Variants in PPHLN1 observed in about 807,000 individuals in gnomAD.
The protein encoded by PPHLN1 is periphilin 1, also known as periphilin-1.
A neutral mutation model predicts 51.3 loss-of-function variants in PPHLN1; 29 were observed. The observed-to-expected ratio is 0.57, with a 90% confidence interval of 0.42 to 0.77. The LOEUF (loss-of-function observed/expected upper bound fraction) is 0.77, where lower values mean the gene tolerates loss of function less well. Ranked by LOEUF, PPHLN1 falls within the 30% of genes least tolerant of loss-of-function variation. The pLI, the probability that PPHLN1 is intolerant of heterozygous loss-of-function variation, is 0.00. For synonymous variants in PPHLN1, 147 were observed against 147.8 expected (o/e 0.99, Z 0.04); for missense variants, 436 against 438.4 (o/e 0.99, Z 0.05).
intron 3 of PPHLN1, among the ~76,000 whole-genome samples, chr12:42,354,098 TTA>T (rs2073751148): frequency 6.6e-6 from 1 of 152,214 alleles, no homozygotes; most frequent in Non-Finnish European, 1.5e-5. Flanking sequence ...TGGAAAATGA[TTA>T]TATTTTATTT....
At chr12:42,447,861 T>C (rs1016264484), downstream of PPHLN1, 1 of 152,238 alleles carries the variant, frequency 6.6e-6, no homozygotes, top group Non-Finnish European at 1.5e-5. Flanking sequence ...AGGACAATTT[T>C]TTTTTAATTT....
At chr12:42,388,933 T>C (rs2077430443) in intron 7 of PPHLN1, among the ~76,000 whole-genome samples, 1 of 151,802 alleles carries the variant, frequency 6.6e-6, no homozygotes, top group South Asian at 2.1e-4. Flanking sequence ...CAGAGCAAGA[T>C]GCTGTCTCTG....
rs576016061 is a variant in PPHLN1 at position 42,366,970 on chromosome 12, C to T, written c.300-7893C>T. ...CTTCATGAACAAGTTTTTTTTCTCT[C>T]TCTGTACACAGCCATACATTCATGT... On this transcript the variant is annotated intron_variant, in intron 4 of 9. Transcript: ENST00000358314. Among the ~76,000 whole-genome samples the T allele has an allele frequency of 6.7e-4, 102 of 152,230 alleles. 1 individual carries two copies. The highest frequency in any genetic ancestry group is 2.4e-3 in the African/African-American group (98 of 41,550).
intron 9 of PPHLN1, among the ~76,000 whole-genome samples, chr12:42,418,866 T>C (rs904134565): frequency 6.6e-6 from 1 of 152,208 alleles, no homozygotes; most frequent in African/African-American, 2.4e-5. Flanking sequence ...CCACTTGTAC[T>C]GAGCCTTCAC....
At chr12:42,356,099 G>A (rs1291092157) in intron 4 of PPHLN1, among the ~76,000 whole-genome samples, 2 of 152,236 alleles carry the variant, frequency 1.3e-5, no homozygotes, top group South Asian at 2.1e-4. Context: ...TGACATCACA[G>A]TGGTGGTATC....
At chr12:42,432,130 C>CA in intron 9 of PPHLN1, 2 of 1,240,020 alleles carry the variant, frequency 1.6e-6, no homozygotes, top group Non-Finnish European at 1.2e-6. Flanking sequence ...CTCCTGCTGT[C>CA]ACGCTGATGT....
At chr12:42,362,251 G>T (rs199555108) in intron 4 of PPHLN1, among the ~76,000 whole-genome samples, 1 of 151,978 alleles carries the variant, frequency 6.6e-6, no homozygotes, top group East Asian at 1.9e-4. Flanking sequence ...TCTTTCTGTT[G>T]TTGAATTTTA....
chr12:42,379,927 G>C (rs1304158303), intron 5 of PPHLN1, among the ~76,000 whole-genome samples: 1 of 152,002 alleles, frequency 6.6e-6, no homozygotes, highest in Non-Finnish European at 1.5e-5. Context: ...AACCTCTAGA[G>C]ATCTGTTAAC....
intron 9 of PPHLN1, among the ~76,000 whole-genome samples, chr12:42,411,797 C>T (rs908699094): frequency 4.2e-5 from 6 of 143,196 alleles, no homozygotes; most frequent in East Asian, 2.1e-4. Context: ...CTCAGCCACT[C>T]GGGAGGCTGA....
intron 4 of PPHLN1, among the ~76,000 whole-genome samples, chr12:42,367,396 A>G (rs1195052955): frequency 6.6e-6 from 1 of 152,124 alleles, no homozygotes; most frequent in Non-Finnish European, 1.5e-5. Context: ...AATCAGGTAA[A>G]AATGAAAAAT....
chr12:42,363,254 A>G (rs1022554040), intron 4 of PPHLN1, among the ~76,000 whole-genome samples: 2 of 151,968 alleles, frequency 1.3e-5, no homozygotes, highest in Admixed American at 1.3e-4. Flanking sequence ...ACACCCCTAA[A>G]TGTGATTATT....
At chr12:42,428,693 G>A (rs888721184) in intron 9 of PPHLN1, among the ~76,000 whole-genome samples, 2 of 151,828 alleles carry the variant, frequency 1.3e-5, no homozygotes, top group Non-Finnish European at 2.9e-5. Context: ...CAGGTGATGA[G>A]TACACCAAAA....
intron 1 of PPHLN1, among the ~76,000 whole-genome samples, chr12:42,332,401 A>G (rs1052898294): frequency 2.0e-5 from 3 of 152,200 alleles, no homozygotes; most frequent in African/African-American, 7.2e-5. Flanking sequence ...AGGATAAGAG[A>G]GATGACCTGC....
downstream of PPHLN1, chr12:42,443,064 G>T (rs189378720): frequency 2.3e-5 from 5 of 219,902 alleles, no homozygotes; most frequent in East Asian, 1.1e-4. Flanking sequence ...CTTAGTTAAG[G>T]CTACTTTGGC....
intron 4 of PPHLN1, among the ~76,000 whole-genome samples, chr12:42,373,522 A>G (rs969948923): frequency 5.3e-5 from 8 of 152,208 alleles, no homozygotes; most frequent in African/African-American, 1.7e-4. Context: ...TGATTTTCCA[A>G]GCACTTGAAA....
chr12:42,353,592 TC>T (rs1281760060), intron 3 of PPHLN1, among the ~76,000 whole-genome samples: 1 of 152,236 alleles, frequency 6.6e-6, no homozygotes, highest in East Asian at 1.9e-4. Flanking sequence ...TTTATTTTAT[TC>T]AGCTTTTGAA....
chr12:42,393,754 C>G (rs1043353573), intron 8 of PPHLN1, 65 bp downstream of exon 8: 1 of 1,457,458 alleles, frequency 6.9e-7, no homozygotes. Flanking sequence ...AAATTATGGG[C>G]GAAAAATATT....
In PPHLN1 at chr12:42,342,947, TAG is replaced by T. The variant is rs369171656; in HGVS notation, c.72+6978_72+6979del. On this transcript the variant is annotated intron_variant, in intron 2 of 9. Coordinates refer to ENST00000358314, the MANE Select transcript of PPHLN1 (RefSeq NM_201439.2). ...CTTGTCATTGTTTATTTCTCTCTCC[TAG>T]AGAGTTTGGCCAATCAAAAATAAAT... 3.8e-4 allele frequency among the ~76,000 whole-genome samples: 58 copies of T among 152,318 alleles called. No individual in the cohort carries two copies. The East Asian group carries it at 7.9e-3, about 21-fold the overall frequency.
chr12:42,348,301 T>A lies in PPHLN1; in HGVS notation c.73-3584T>A, dbSNP rs201334920. Among the ~76,000 whole-genome samples the A allele has an allele frequency of 7.0e-3, 921 of 131,266 alleles. 6 individuals are homozygous for A. The highest frequency in any genetic ancestry group is 0.049 in the Middle Eastern group (12 of 246). 86.1% of individuals were successfully genotyped at this position (131,266 alleles called of 152,430 possible). On this transcript the variant is annotated intron_variant, in intron 2 of 9. Coordinates refer to ENST00000358314, the MANE Select transcript of PPHLN1 (RefSeq NM_201439.2). Reference sequence around the variant, plus strand: ...ATTTTTTTTTTTTTTTTTTTTTTTTTAGTAGAAACGGGGTTTCACCGTGTT... The same window carrying A: ...ATTTTTTTTTTTTTTTTTTTTTTTTAAGTAGAAACGGGGTTTCACCGTGTT...
Sources: allele counts gnomAD v4.1 joint callset (sites outside exome capture counted in the v4.1 genomes callset), GRCh38; gene constraint gnomAD v4.1.1; transcripts MANE v1.5; gene names NCBI Gene and HGNC (gene_info 2026-07-23, HGNC 2026-07-21).